Variants in PTK2 observed in about 807,000 individuals in gnomAD.
PTK2 encodes the protein protein tyrosine kinase 2, also known as focal adhesion kinase 1.
Under a neutral mutation model 150.1 loss-of-function variants are expected in PTK2, and 45 were observed. The observed-to-expected ratio is 0.30, with a 90% CI of 0.24 to 0.38. The LOEUF (loss-of-function observed/expected upper bound fraction) is 0.38, where lower values mean the gene tolerates loss of function less well. PTK2 is among the 10% of genes least tolerant of loss of function. The pLI is 1.00. For missense variants in PTK2, 919 were observed against 1,307.3 expected (o/e 0.70, Z 4.58); for synonymous variants, 432 against 449.2 (o/e 0.96, Z 0.48).
chr8:140,977,309 C>T (rs1569532523), intron 1 of PTK2, among the ~76,000 whole-genome samples: 1 of 152,242 alleles, frequency 6.6e-6, no homozygotes, highest in East Asian at 1.9e-4. Flanking sequence ...AGGAGGATCG[C>T]TTGAACCTGG....
intron 1 of PTK2, among the ~76,000 whole-genome samples, chr8:140,965,064 C>T (rs1480585605): frequency 5.3e-5 from 8 of 152,080 alleles, no homozygotes; most frequent in Non-Finnish European, 7.4e-5. Flanking sequence ...TGAAGAGTGT[C>T]GGCCTGGGCA....
chr8:140,701,075 C>T (rs1397425047), intron 25 of PTK2, 53 bp from the exon 29 acceptor site: 2 of 1,537,150 alleles, frequency 1.3e-6, no homozygotes, highest in East Asian at 2.3e-5. Flanking sequence ...TATTCCTATG[C>T]TCTTACCTTG....
chr8:140,717,700 C>G, exon 23 of PTK2: 1 of 1,613,716 alleles, frequency 6.2e-7, no homozygotes, highest in Non-Finnish European at 8.5e-7. Context: ...TCTCTTCCTC[C>G]AGGATTGTGC....
At chr8:140,777,763 G>A (rs1453483174) in intron 14 of PTK2, among the ~76,000 whole-genome samples, 1 of 152,156 alleles carries the variant, frequency 6.6e-6, no homozygotes, top group Non-Finnish European at 1.5e-5. Flanking sequence ...GCCAATGCAG[G>A]AGAGATGACC....
intron 14 of PTK2, among the ~76,000 whole-genome samples, chr8:140,786,881 T>G (rs746356275): frequency 1.3e-5 from 2 of 151,920 alleles, no homozygotes; most frequent in Non-Finnish European, 2.9e-5. Flanking sequence ...AAAGAGCAAG[T>G]CTGGATGGAA....
At chr8:140,873,198 C>T (rs2100143533) in intron 4 of PTK2, among the ~76,000 whole-genome samples, 1 of 152,162 alleles carries the variant, frequency 6.6e-6, no homozygotes, top group African/African-American at 2.4e-5. Context: ...AGCTGGTTTC[C>T]CAGGTGGTTT....
chr8:140,968,643 T>C (rs1370682362), intron 1 of PTK2, among the ~76,000 whole-genome samples: 3 of 152,224 alleles, frequency 2.0e-5, no homozygotes. Flanking sequence ...CAAAATTATA[T>C]TGTGTGAAAG....
At chr8:140,977,779 T>TA (rs2100189842) in intron 1 of PTK2, among the ~76,000 whole-genome samples, 1 of 151,928 alleles carries the variant, frequency 6.6e-6, no homozygotes, top group African/African-American at 2.4e-5. Flanking sequence ...AGAGATTCCT[T>TA]AAAAAAATCA....
intron 1 of PTK2, among the ~76,000 whole-genome samples, chr8:140,962,305 G>GA (rs1430729261): frequency 7.2e-6 from 1 of 138,134 alleles, no homozygotes; most frequent in South Asian, 2.6e-4. Flanking sequence ...GGGAGGGAGG[G>GA]AAAAAAATTA....
rs989039035 is a variant in PTK2, at chr8:140,702,564, A to C, written c.2367+6T>G. The C allele has an allele frequency of 1.9e-6, 3 of 1,612,822 alleles. No individual in the cohort carries two copies. In the South Asian group the frequency reaches 3.3e-5, roughly 18 times the overall value. ...AACAAACTGAAGCCCAAGACACCCG[A>C]TTTACCTCCACATTGGGCTGCCACA... On this transcript the variant is annotated splice_donor_region_variant and intron_variant, in intron 25 of 31. Transcript: ENST00000522684.
At chr8:140,778,038 G>A (rs1370065865) in intron 14 of PTK2, among the ~76,000 whole-genome samples, 1 of 152,238 alleles carries the variant, frequency 6.6e-6, no homozygotes, top group Non-Finnish European at 1.5e-5. Context: ...CCTTGGGAAT[G>A]AGATCTTTCC....
At chr8:140,995,275 C>T (rs1484890619) in intron 1 of PTK2, among the ~76,000 whole-genome samples, 2 of 151,112 alleles carry the variant, frequency 1.3e-5, no homozygotes, top group African/African-American at 4.9e-5. Flanking sequence ...CCCAGCTACT[C>T]CAGAGGCTGA....
intron 1 of PTK2, among the ~76,000 whole-genome samples, chr8:140,981,889 C>A (rs1025698335): frequency 6.6e-6 from 1 of 152,188 alleles, no homozygotes; most frequent in Non-Finnish European, 1.5e-5. Context: ...ACTTGGGTGT[C>A]CTTCCTCCAG....
At chr8:140,822,038 T>A (rs189797170) in intron 8 of PTK2, 1 of 152,198 alleles carries the variant, frequency 6.6e-6, no homozygotes, top group Non-Finnish European at 1.5e-5. Context: ...AGATTGGACA[T>A]GGAGATTTGA....
intron 14 of PTK2, among the ~76,000 whole-genome samples, chr8:140,765,723 A>G (rs1054285359): frequency 6.6e-6 from 1 of 152,148 alleles, no homozygotes; most frequent in African/African-American, 2.4e-5. Context: ...GTAAATTGGC[A>G]TCTGTAGGCC....
At chr8:140,662,841 T>A in intron 31 of PTK2, 1 of 461,050 alleles carries the variant, frequency 2.2e-6, no homozygotes. Flanking sequence ...GTTTATAGGA[T>A]ATCCCTCAAT....
intron 2 of PTK2, among the ~76,000 whole-genome samples, chr8:140,921,752 A>G (rs1033603958): frequency 1.2e-4 from 19 of 152,224 alleles, no homozygotes; most frequent in Non-Finnish European, 2.8e-4. Context: ...GTTTCAAAAC[A>G]TAAGTGAGTA....
chr8:140,787,614 TA>T (rs1331474753), intron 14 of PTK2, among the ~76,000 whole-genome samples: 1 of 152,162 alleles, frequency 6.6e-6, no homozygotes, highest in Non-Finnish European at 1.5e-5. Flanking sequence ...AAGAGATTAG[TA>T]AAACAGGAGG....
chr8:140,663,085 T>C (rs570129868), intron 31 of PTK2: 4 of 243,138 alleles, frequency 1.6e-5, no homozygotes, highest in South Asian at 1.8e-4. Context: ...CATTACATCA[T>C]GTTAAAGTTC....
Sources: allele counts gnomAD v4.1 joint callset (sites outside exome capture counted in the v4.1 genomes callset), GRCh38; gene constraint gnomAD v4.1.1; transcripts MANE v1.5; gene names NCBI Gene and HGNC (gene_info 2026-07-23, HGNC 2026-07-21).